Variants in DNER observed in about 807,000 individuals in gnomAD.
The protein encoded by DNER is delta and Notch-like epidermal growth factor-related receptor.
In DNER, 33 loss-of-function variants were observed where a neutral mutation model predicts 78.2. The ratio of observed to expected loss-of-function variants is 0.42; its 90% CI spans 0.32 to 0.56. The LOEUF (loss-of-function observed/expected upper bound fraction) is 0.56. Ranked by LOEUF, DNER falls within the 20% of genes least tolerant of loss-of-function variation. The pLI is 0.11. For missense variants in DNER, 918 were observed against 975.3 expected, an observed-to-expected ratio of 0.94 and a Z score of 0.78; for synonymous variants, 417 against 384.8, an observed-to-expected ratio of 1.08 and a Z score of -0.98.
At chr2:229,441,457 A>G (rs1160914218) in intron 8 of DNER, among the ~76,000 whole-genome samples, 1 of 152,084 alleles carries the variant, frequency 6.6e-6, no homozygotes, top group African/African-American at 2.4e-5. Context: ...TCTCAATTAG[A>G]AGGTGTTAGA....
At chr2:229,405,016 T>C (rs1388011773) in intron 10 of DNER, among the ~76,000 whole-genome samples, 1 of 152,130 alleles carries the variant, frequency 6.6e-6, no homozygotes, top group East Asian at 1.9e-4. Flanking sequence ...GTGTAACCTA[T>C]GGCAGATAAA....
intron 7 of DNER, among the ~76,000 whole-genome samples, chr2:229,452,256 C>G (rs1694473357): frequency 1.3e-5 from 2 of 152,132 alleles, no homozygotes; most frequent in South Asian, 4.1e-4. Context: ...TAGCAATAAA[C>G]ATAAAGAATG....
intron 1 of DNER, among the ~76,000 whole-genome samples, chr2:229,610,076 C>T (rs1698016859): frequency 6.6e-6 from 1 of 152,154 alleles, no homozygotes; most frequent in Admixed American, 6.6e-5. Flanking sequence ...GTTTTAAGTT[C>T]TGTTTGACGT....
chr2:229,428,162 G>A (rs1179492600), intron 8 of DNER, among the ~76,000 whole-genome samples: 1 of 151,714 alleles, frequency 6.6e-6, no homozygotes, highest in Non-Finnish European at 1.5e-5. Context: ...GTGGGTGGTG[G>A]GGGGATACAA....
intron 1 of DNER, among the ~76,000 whole-genome samples, chr2:229,650,560 A>G (rs1279912442): frequency 6.6e-6 from 1 of 152,200 alleles, no homozygotes; most frequent in Non-Finnish European, 1.5e-5. Context: ...CACTTGCATG[A>G]TGGGCATTTG....
chr2:229,369,907 C>T (rs1374330465), intron 11 of DNER, among the ~76,000 whole-genome samples: 5 of 152,102 alleles, frequency 3.3e-5, no homozygotes, highest in Non-Finnish European at 7.3e-5. Flanking sequence ...ACACCACCAC[C>T]ACCACCATTC....
In DNER at chr2:229,391,555, T is replaced by C. The variant is rs529374048; in HGVS notation, c.1724-3159A>G. On this transcript the variant is annotated intron_variant, in intron 10 of 12. Transcript: ENST00000341772. ...TAATTCTTTTTTCTTTTTTCTTTTT[T>C]TTTGAGACAAAAATCTCACTCTATC... is the stretch of plus-strand genomic sequence containing the variant. Among the ~76,000 whole-genome samples, 4 of 152,310 alleles carry C rather than the reference T, an allele frequency of 2.6e-5. No homozygotes were observed. The East Asian group carries it at 7.7e-4, about 29-fold the overall frequency.
rs568623082 is a variant in DNER, at chr2:229,433,409, C to T, written c.1486+13907G>A. Among the ~76,000 whole-genome samples, 12 of 152,294 alleles carry T rather than the reference C, an allele frequency of 7.9e-5. No homozygotes were observed. In the East Asian group the frequency reaches 1.5e-3, roughly 20 times the overall value. ...ACATGGACTAAAGGAAGCTACCCTCCTCTCGAGGTTTACATAAGGGAAAAA... is the reference window on the plus strand; with the variant it reads ...ACATGGACTAAAGGAAGCTACCCTCTTCTCGAGGTTTACATAAGGGAAAAA... On this transcript the variant is annotated intron_variant, in intron 8 of 12. Transcript: ENST00000341772.
intron 9 of DNER, among the ~76,000 whole-genome samples, chr2:229,410,172 C>T (rs1350629911): frequency 2.0e-5 from 3 of 152,178 alleles, no homozygotes; most frequent in Non-Finnish European, 4.4e-5. Context: ...CAAACACCCT[C>T]TCTCTGCAAA....
intron 1 of DNER, among the ~76,000 whole-genome samples, chr2:229,700,960 G>A (rs775503388): frequency 1.1e-4 from 16 of 151,800 alleles, no homozygotes; most frequent in Admixed American, 2.0e-4. Flanking sequence ...AGAACATTAC[G>A]TATAGGTTGA....
chr2:229,557,542 G>A (rs1696873686), intron 4 of DNER, among the ~76,000 whole-genome samples: 1 of 152,104 alleles, frequency 6.6e-6, no homozygotes, highest in Non-Finnish European at 1.5e-5. Flanking sequence ...AAGAACTGGT[G>A]CCACATAGGA....
At chr2:229,655,069 C>A (rs1243041095) in intron 1 of DNER, among the ~76,000 whole-genome samples, 1 of 151,848 alleles carries the variant, frequency 6.6e-6, no homozygotes, top group East Asian at 1.9e-4. Flanking sequence ...AATTTACTAA[C>A]CTAGTTTTTA....
chr2:229,523,684 C>G (rs984513791), intron 5 of DNER, among the ~76,000 whole-genome samples: 1 of 152,214 alleles, frequency 6.6e-6, no homozygotes, highest in Non-Finnish European at 1.5e-5. Context: ...TTTCCCTTTC[C>G]CCTTTCTGCT....
At chr2:229,474,197 C>A (rs1242169850) in intron 7 of DNER, among the ~76,000 whole-genome samples, 1 of 152,234 alleles carries the variant, frequency 6.6e-6, no homozygotes, top group South Asian at 2.1e-4. Context: ...TAAGCCACCA[C>A]ACCTGGTGAC....
rs1163016191 is a variant in DNER at position 229,668,536 on chromosome 2, GTATATATATATA to G, written c.276+45600_276+45611del. Among the ~76,000 whole-genome samples, 4 of 7,100 alleles carry G rather than the reference GTATATATATATA, an allele frequency of 5.6e-4. 1 individual carries two copies. Among genetic ancestry groups the G allele is most frequent in the African/African-American group, 1.2e-3 (4 of 3,330 alleles). 4.7% of individuals were successfully genotyped at this position (7,100 alleles called of 152,430 possible). On this transcript the variant is annotated intron_variant, in intron 1 of 12. Transcript: ENST00000341772. ...TAAGTATGTGTGTGTGTGTGTGTGT[GTATATATATATA>G]TATATATATATATATATATATATAT...
chr2:229,614,686 T>G (rs1698119360), intron 1 of DNER, among the ~76,000 whole-genome samples: 1 of 152,216 alleles, frequency 6.6e-6, no homozygotes, highest in South Asian at 2.1e-4. Flanking sequence ...AACCCGGGCA[T>G]AAGAGACTGG....
chr2:229,600,860 C>A (rs1697812967), intron 1 of DNER, among the ~76,000 whole-genome samples: 1 of 152,162 alleles, frequency 6.6e-6, no homozygotes, highest in South Asian at 2.1e-4. Context: ...GTCACACAGA[C>A]TAAGGGGATA....
In DNER at chr2:229,690,694, T is replaced by C. The variant is rs527770221; in HGVS notation, c.276+23454A>G. Among the ~76,000 whole-genome samples the C allele has an allele frequency of 3.9e-5, 6 of 152,258 alleles. No individual in the cohort carries two copies. In the South Asian group the frequency reaches 1.2e-3, roughly 32 times the overall value. ...CTGTGGGAAAAAAAAATCTCTGCCC[T>C]TGTGGAGATTAAGTTCCAGCAAGAG... On this transcript the variant is annotated intron_variant, in intron 1 of 12. Coordinates refer to ENST00000341772, the MANE Select transcript of DNER (RefSeq NM_139072.4).
intron 1 of DNER, among the ~76,000 whole-genome samples, chr2:229,624,792 T>C (rs1046902275): frequency 2.6e-4 from 39 of 152,340 alleles, no homozygotes; most frequent in African/African-American, 8.9e-4. Flanking sequence ...GAGCCAGAGT[T>C]GAGCTACATA....
Sources: allele counts gnomAD v4.1 joint callset (sites outside exome capture counted in the v4.1 genomes callset), GRCh38; gene constraint gnomAD v4.1.1; transcripts MANE v1.5; gene names NCBI Gene and HGNC (gene_info 2026-07-23, HGNC 2026-07-21).